ANO2: variants seen among roughly 807,000 people sequenced by gnomAD.
The protein encoded by ANO2 is anoctamin 2.
ANO2 carries 101 observed loss-of-function variants against 124.2 expected under a neutral mutation model. That is an observed-to-expected ratio of 0.81 (90% confidence interval 0.69 to 0.96). The LOEUF (loss-of-function observed/expected upper bound fraction) is 0.96, where lower values mean the gene tolerates loss of function less well. Among genes scored for constraint, ANO2 ranks in the 40% least tolerant of loss-of-function variants. The probability of loss-of-function intolerance (pLI) is 0.00; values close to 1 mark genes in which losing one functional copy is unlikely to be tolerated. For missense variants in ANO2, 1,293 were observed against 1,274.5 expected (o/e 1.01, Z -0.22); for synonymous variants, 486 against 482.5 (o/e 1.01, Z -0.09).
At chr12:5,617,837 T>C (rs1025291755) in intron 16 of ANO2, among the ~76,000 whole-genome samples, 2 of 152,190 alleles carry the variant, frequency 1.3e-5, no homozygotes, top group African/African-American at 4.8e-5. Context: ...TTTGTTTTCT[T>C]CCGTTATGCT....
At chr12:5,629,361 A>G (rs1218201730) in intron 16 of ANO2, among the ~76,000 whole-genome samples, 2 of 152,226 alleles carry the variant, frequency 1.3e-5, no homozygotes, top group Non-Finnish European at 2.9e-5. Flanking sequence ...CCGCCTTTCC[A>G]GGCCAAGCCT....
intron 10 of ANO2, among the ~76,000 whole-genome samples, chr12:5,761,773 C>T (rs1181741528): frequency 1.3e-5 from 2 of 152,152 alleles, no homozygotes; most frequent in Non-Finnish European, 2.9e-5. Context: ...GTTTACATGA[C>T]TTGTGTGCTC....
chr12:5,906,666 G>A lies in ANO2; in HGVS notation c.534+14374C>T, dbSNP rs1055589125. On this transcript the variant is annotated intron_variant, in intron 3 of 24. Transcript: ENST00000682330. ...AAAAATTAGCTGGGCATGGTGGTGC[G>A]CACCTGTAGTCCCAGCTACTCAGGA... Among the ~76,000 whole-genome samples, 139 of 152,082 alleles carry A rather than the reference G, an allele frequency of 9.1e-4. 1 individual carries two copies. The highest frequency in any genetic ancestry group is 3.1e-3 in the African/African-American group (129 of 41,498).
intron 13 of ANO2, among the ~76,000 whole-genome samples, chr12:5,733,598 A>G (rs1340025725): frequency 6.6e-6 from 1 of 152,190 alleles, no homozygotes; most frequent in Non-Finnish European, 1.5e-5. Flanking sequence ...TATGTCAGAG[A>G]TTCCAAAGGT....
rs988126178 is a variant in ANO2 at position 5,851,700 on chromosome 12, A to G, written c.633+2343T>C. On this transcript the variant is annotated intron_variant, in intron 4 of 24. Transcript: ENST00000682330. ...ACTCCATCTCAAAAAAAAAAAAAAA[A>G]AGAGAGATGTGGAGGTGTCATAGAG... Among the ~76,000 whole-genome samples the G allele has an allele frequency of 4.9e-4, 75 of 151,760 alleles. 1 individual carries two copies. Among genetic ancestry groups the G allele is most frequent in the Admixed American group, 3.7e-3 (56 of 15,240 alleles).
intron 7 of ANO2, among the ~76,000 whole-genome samples, chr12:5,818,447 TTATA>T (rs57443240): frequency 0.014 from 1,149 of 82,430 alleles, 12 homozygotes; most frequent in Non-Finnish European, 0.016. Flanking sequence ...TAAACTCATA[TTATA>T]TATATATATA....
chr12:5,768,090 G>C (rs79460666), intron 10 of ANO2, among the ~76,000 whole-genome samples: 5,916 of 152,308 alleles, frequency 0.039, 149 homozygotes, highest in Middle Eastern at 0.065. Context: ...CATCGTGCCA[G>C]ACACTGGGCT....
chr12:5,923,183 CATA>C (rs1941874134), intron 1 of ANO2, among the ~76,000 whole-genome samples: 1 of 49,924 alleles, frequency 2.0e-5, no homozygotes, highest in Admixed American at 2.7e-4. Context: ...CGCACACACA[CATA>C]CACACACACG....
intron 3 of ANO2, among the ~76,000 whole-genome samples, chr12:5,905,199 G>A (rs539925665): frequency 2.3e-4 from 35 of 152,280 alleles, no homozygotes; most frequent in African/African-American, 8.2e-4. Context: ...GTGCTGTTGC[G>A]TGTTAGGGCC....
chr12:5,582,016 C>A (rs1285692523), intron 20 of ANO2, among the ~76,000 whole-genome samples: 3 of 152,230 alleles, frequency 2.0e-5, no homozygotes, highest in Non-Finnish European at 4.4e-5. Context: ...TCGCTCTTTT[C>A]AGTCAAAGGT....
In ANO2 at chr12:5,834,322, C is replaced by T. The variant is rs145429363; in HGVS notation, c.634-1719G>A. Among the ~76,000 whole-genome samples, 526 of 152,332 alleles carry T rather than the reference C, an allele frequency of 3.5e-3. 1 individual carries two copies. The highest frequency in any genetic ancestry group is 5.2e-3 in the Non-Finnish European group (354 of 68,040). On this transcript the variant is annotated intron_variant, in intron 4 of 24. Coordinates refer to ENST00000682330, the MANE Select transcript of ANO2 (RefSeq NM_001364791.2). Reference sequence around the variant, plus strand: ...CCTATTTCCTTCTCTACCATGATAGCTTCACGTTACTTCAATGCAGAGGGG... The same window carrying T: ...CCTATTTCCTTCTCTACCATGATAGTTTCACGTTACTTCAATGCAGAGGGG...
intron 1 of ANO2, 64 bp from the exon 2 acceptor site, chr12:5,922,868 G>GTACT: frequency 7.3e-7 from 1 of 1,374,676 alleles, no homozygotes. Flanking sequence ...AGACACTGAG[G>GTACT]TACTGAGTGT....
intron 20 of ANO2, among the ~76,000 whole-genome samples, chr12:5,598,206 T>G (rs728342): frequency 0.29 from 44,701 of 152,040 alleles, 6,730 homozygotes; most frequent in Non-Finnish European, 0.34. Flanking sequence ...TACAAGTGAC[T>G]AGGTGAAGGG....
chr12:5,596,042 T>G (rs1943643067), intron 20 of ANO2, among the ~76,000 whole-genome samples: 1 of 152,240 alleles, frequency 6.6e-6, no homozygotes, highest in South Asian at 2.1e-4. Context: ...TGACCATACC[T>G]AATCACACCT....
At chr12:5,683,768 G>T (rs778192970) in intron 14 of ANO2, among the ~76,000 whole-genome samples, 21 of 152,030 alleles carry the variant, frequency 1.4e-4, no homozygotes, top group Non-Finnish European at 2.8e-4. Flanking sequence ...TTAGAGGAGG[G>T]AGGAGAGAGA....
chr12:5,565,520 C>G lies in ANO2; in HGVS notation c.2727+38G>C, dbSNP rs767629132. ...GTGCAGTGTCCTTACTCCTGCAGCC[C>G]GGATTCGAATGGGCTATTCCCTATC... On this transcript the variant is annotated intron_variant, in intron 24 of 24. Transcript: ENST00000682330. 7.2e-6 allele frequency: 11 copies of G among 1,523,276 alleles called. No individual in the cohort carries two copies. The African/African-American group carries it at 1.5e-4, about 21-fold the overall frequency. The allele number at this position is 1,523,276 out of a possible 1,614,324, so 94.4% of individuals were successfully genotyped here.
chr12:5,742,458 A>T (rs924749017), intron 12 of ANO2, among the ~76,000 whole-genome samples: 4 of 152,168 alleles, frequency 2.6e-5, no homozygotes, highest in African/African-American at 9.6e-5. Flanking sequence ...GTGATGTGAA[A>T]GGAAGACAGT....
intron 4 of ANO2, among the ~76,000 whole-genome samples, chr12:5,843,420 C>T: frequency 6.6e-6 from 1 of 152,040 alleles, no homozygotes; most frequent in East Asian, 1.9e-4. Context: ...CATAGTGGCG[C>T]ACACCTATAA....
rs115002395 is a variant in ANO2 at position 5,641,599 on chromosome 12, T to C, written c.1620+6128A>G. On this transcript the variant is annotated intron_variant, in intron 15 of 24. Transcript: ENST00000682330. The stretch of plus-strand genomic sequence containing the variant: ...CTGGACGAGCTTGAGCACCTGACTG[T>C]GAAGGGTGATGTGTAAAGGGGGCTC... Among the ~76,000 whole-genome samples, 612 of 152,316 alleles carry C rather than the reference T, an allele frequency of 4.0e-3. 7 individuals carry two copies. The highest frequency in any genetic ancestry group is 0.014 in the African/African-American group (579 of 41,574).
Sources: allele counts gnomAD v4.1 joint callset (sites outside exome capture counted in the v4.1 genomes callset), GRCh38; gene constraint gnomAD v4.1.1; transcripts MANE v1.5; gene names NCBI Gene and HGNC (gene_info 2026-07-23, HGNC 2026-07-21).